SERPINB5: variants seen among roughly 807,000 people sequenced by gnomAD.
The protein encoded by SERPINB5 is serpin family B member 5.
In SERPINB5, 27 loss-of-function variants were observed where a neutral mutation model predicts 32.2. The observed-to-expected ratio is 0.84, with a 90% CI of 0.62 to 1.16. The LOEUF is 1.16. SERPINB5 is among the 50% of genes most tolerant of loss of function. SERPINB5 has a pLI of 0.00. For missense variants in SERPINB5, 388 were observed against 436.3 expected, an observed-to-expected ratio of 0.89 and a Z score of 0.99; for synonymous variants, 154 against 157.4, an observed-to-expected ratio of 0.98 and a Z score of 0.16.
Position 63,503,581 on chromosome 18 carries a change from T to C in SERPINB5, c.987T>C (p.Asp329=). 1 of 1,614,266 alleles carries C rather than the reference T, an allele frequency of 6.2e-7. No individual in the cohort carries two copies. Among genetic ancestry groups the C allele is most frequent in the Admixed American group, 1.7e-5 (1 of 60,036 alleles). ...AAGTGTGCTTAGAAATAACTGAAGA[T>C]GGTGGGGATTCCATAGAGGTGCCAG... ...IHKVCLEITE[D]GGDSIEVPGA... The change falls in exon 7 of 7, where the codon GAT becomes GAC. Residue 329 remains aspartate, a synonymous_variant. Transcript: ENST00000382771.
At chr18:63,484,741 C>CTT (rs869236018) in intron 2 of SERPINB5, 145 bp downstream of exon 2, 2,350 of 107,844 alleles carry the variant, frequency 0.022, 142 homozygotes, top group African/African-American at 0.06. Flanking sequence ...CTCTCTTAAT[C>CTT]TTTTTTTTTT....
In SERPINB5 at chr18:63,503,933, A is replaced by G; in HGVS notation, c.*211A>G. 1 of 560,368 alleles carries G rather than the reference A, an allele frequency of 1.8e-6. No individual in the cohort carries two copies. Among genetic ancestry groups the G allele is most frequent in the Non-Finnish European group, 3.1e-6 (1 of 321,752 alleles). 34.7% of individuals were successfully genotyped at this position (560,368 alleles called of 1,614,324 possible). ...TTTGTTTCCTTTTTTCCCATAAGACAATGACATACGCTTTTAATGAAAAGG... is the reference window on the plus strand; with the variant it reads ...TTTGTTTCCTTTTTTCCCATAAGACGATGACATACGCTTTTAATGAAAAGG... On this transcript the variant is annotated 3_prime_UTR_variant, in exon 7 of 7. Coordinates refer to ENST00000382771, the MANE Select transcript of SERPINB5 (RefSeq NM_002639.5).
At chr18:63,499,752 G>A (rs1395938513) in intron 6 of SERPINB5, among the ~76,000 whole-genome samples, 2 of 152,086 alleles carry the variant, frequency 1.3e-5, no homozygotes, top group African/African-American at 2.4e-5. Flanking sequence ...ACGTTGCTAC[G>A]CACTGCCAGG....
Position 63,503,810 on chromosome 18 carries a change from A to T in SERPINB5, c.*88A>T. 7.4e-7 allele frequency: 1 copy of T among 1,360,006 alleles called. No individual in the cohort carries two copies. The highest frequency in any genetic ancestry group is 1.0e-6 in the Non-Finnish European group (1 of 973,444). The allele number at this position is 1,360,006 out of a possible 1,614,324, so 84.2% of individuals were successfully genotyped here. A position where few individuals can be genotyped will look rare whatever the true frequency, so the allele number is the denominator to read the frequency against. ...GCATCCAGAGATTCATTTTCTAGAT[A>T]CAATAAATTGCTAATGTTGCTGGAT... On this transcript the variant is annotated 3_prime_UTR_variant, in exon 7 of 7. Coordinates refer to ENST00000382771, the MANE Select transcript of SERPINB5 (RefSeq NM_002639.5).
chr18:63,486,886 C>T (rs1282654790), intron 2 of SERPINB5, 60 bp from the exon 3 acceptor site: 11 of 1,584,332 alleles, frequency 6.9e-6, no homozygotes, highest in Non-Finnish European at 8.6e-6. Context: ...CACGTGTCCA[C>T]TTCAGTACAG....
In SERPINB5 at chr18:63,504,964, A is replaced by G. The variant is rs1295177548; in HGVS notation, c.*1242A>G. 1.3e-5 allele frequency: 2 copies of G among 151,068 alleles called. No homozygotes were observed. Among genetic ancestry groups the G allele is most frequent in the Non-Finnish European group, 3.0e-5 (2 of 67,726 alleles). 9.4% of individuals were successfully genotyped at this position (151,068 alleles called of 1,614,324 possible). ...TATAAAAAATATGTATTTACCAAAA[A>G]TTTTGTGACATTCCTTCTCCCATCT... On this transcript the variant is annotated 3_prime_UTR_variant, in exon 7 of 7. Transcript: ENST00000382771.
intron 5 of SERPINB5, among the ~76,000 whole-genome samples, chr18:63,496,441 T>C (rs901834784): frequency 6.6e-6 from 1 of 152,202 alleles, no homozygotes; most frequent in Non-Finnish European, 1.5e-5. Context: ...AGTGAGAAAC[T>C]ACAAGCTGGG....
chr18:63,478,747 G>C (rs1030220062), intron 1 of SERPINB5, among the ~76,000 whole-genome samples: 1 of 141,920 alleles, frequency 7.0e-6, no homozygotes, highest in Admixed American at 7.4e-5. Flanking sequence ...CTCTGACACA[G>C]TAAAAACGTA....
At chr18:63,491,831 C>T (rs369096540) in intron 4 of SERPINB5, among the ~76,000 whole-genome samples, 1 of 152,126 alleles carries the variant, frequency 6.6e-6, no homozygotes. Context: ...GAAGCTCTGT[C>T]GTTTACCGGC....
intron 5 of SERPINB5, chr18:63,497,493 G>A (rs556112921): frequency 5.7e-5 from 13 of 227,182 alleles, no homozygotes; most frequent in South Asian, 4.2e-4. Context: ...TGAACACAAC[G>A]TTTCTGAAAA....
In SERPINB5 at chr18:63,493,100, G is replaced by A. The variant is rs746439560; in HGVS notation, c.567+5G>A. On this transcript the variant is annotated splice_donor_5th_base_variant and intron_variant, in intron 5 of 6. Transcript: ENST00000382771. ...TGTCCTTTCAGAGTCAACAAGGTATGTGGGGCAGCATGTAGCAGTAAAAGG... is the reference window on the plus strand; with the variant it reads ...TGTCCTTTCAGAGTCAACAAGGTATATGGGGCAGCATGTAGCAGTAAAAGG... 6.2e-7 allele frequency: 1 copy of A among 1,614,156 alleles called. No homozygotes were observed. The highest frequency in any genetic ancestry group is 8.5e-7 in the Non-Finnish European group (1 of 1,180,028).
chr18:63,490,353 T>C (rs1223802875), intron 4 of SERPINB5, among the ~76,000 whole-genome samples: 1 of 152,102 alleles, frequency 6.6e-6, no homozygotes, highest in Non-Finnish European at 1.5e-5. Flanking sequence ...GTCGGACTCC[T>C]CGTCCCTCCC....
At chr18:63,492,545 T>C (rs1858142) in intron 4 of SERPINB5, among the ~76,000 whole-genome samples, 72,800 of 152,168 alleles carry the variant, frequency 0.48, 19,734 homozygotes, top group Non-Finnish European at 0.62. Context: ...TGGCTTTGAA[T>C]CCTGAATCCA....
chr18:63,496,567 T>TAC (rs1233086533), intron 5 of SERPINB5, among the ~76,000 whole-genome samples: 1 of 152,190 alleles, frequency 6.6e-6, no homozygotes, highest in African/African-American at 2.4e-5. Flanking sequence ...TAGAGGTATA[T>TAC]ACAAAAGTAA....
rs1194157368 is a variant in SERPINB5 at position 63,503,983 on chromosome 18, A to C, written c.*261A>C. On this transcript the variant is annotated 3_prime_UTR_variant, in exon 7 of 7. Coordinates refer to ENST00000382771, the MANE Select transcript of SERPINB5 (RefSeq NM_002639.5). ...GAATCACGTTAGAGGAAAAATATTT[A>C]TTCATTATTTGTCAAATTGTCCGGG... The C allele has an allele frequency of 9.1e-6, 4 of 437,694 alleles. No individual in the cohort carries two copies. Among genetic ancestry groups the C allele is most frequent in the African/African-American group, 8.3e-5 (4 of 48,428 alleles). 27.1% of individuals were successfully genotyped at this position (437,694 alleles called of 1,614,324 possible). A position where few individuals can be genotyped will look rare whatever the true frequency, so the allele number is the denominator to read the frequency against.
At chr18:63,494,048 G>T (rs1909397841) in intron 5 of SERPINB5, among the ~76,000 whole-genome samples, 1 of 152,018 alleles carries the variant, frequency 6.6e-6, no homozygotes, top group Admixed American at 6.5e-5. Context: ...TAGAGGGTGG[G>T]CACAGTGGCT....
At chr18:63,479,851 G>C (rs9956302) in intron 1 of SERPINB5, among the ~76,000 whole-genome samples, 15,923 of 152,178 alleles carry the variant, frequency 0.1, 1,860 homozygotes, top group African/African-American at 0.28. Flanking sequence ...GAAAATCATA[G>C]GGAAGAAGTT....
At chr18:63,497,496 T>TA in intron 5 of SERPINB5, 1 of 296,564 alleles carries the variant, frequency 3.4e-6, no homozygotes. Context: ...ACACAACGTT[T>TA]CTGAAAAAAA....
intron 2 of SERPINB5, among the ~76,000 whole-genome samples, chr18:63,486,510 C>G (rs1917216786): frequency 6.6e-6 from 1 of 152,122 alleles, no homozygotes; most frequent in Non-Finnish European, 1.5e-5. Flanking sequence ...CTTCATCGTT[C>G]TCCAAGTTTG....
Sources: allele counts gnomAD v4.1 joint callset (sites outside exome capture counted in the v4.1 genomes callset), GRCh38; gene constraint gnomAD v4.1.1; transcripts MANE v1.5; gene names NCBI Gene and HGNC (gene_info 2026-07-23, HGNC 2026-07-21).